RETREG1: variants seen among roughly 807,000 people sequenced by gnomAD.
RETREG1 encodes reticulophagy regulator 1.
A neutral mutation model predicts 54.8 loss-of-function variants in RETREG1; 44 were observed. That is an observed-to-expected ratio of 0.80 (90% CI 0.63 to 1.03). The LOEUF (loss-of-function observed/expected upper bound fraction) is 1.03. RETREG1 is among the 50% of genes least tolerant of loss of function. RETREG1 has a pLI of 0.00. For synonymous variants in RETREG1, 217 were observed against 238.5 expected, an observed-to-expected ratio of 0.91 and a Z score of 0.83; for missense variants, 554 against 605.1, an observed-to-expected ratio of 0.92 and a Z score of 0.89.
At chr5:16,536,496 G>A (rs1034806101) in intron 3 of RETREG1, among the ~76,000 whole-genome samples, 1 of 151,934 alleles carries the variant, frequency 6.6e-6, no homozygotes, top group Non-Finnish European at 1.5e-5. Context: ...CGCCAGCCTG[G>A]TTCACCCCTG....
intron 1 of RETREG1, among the ~76,000 whole-genome samples, chr5:16,590,335 G>A (rs1005131290): frequency 4.6e-5 from 7 of 152,182 alleles, no homozygotes; most frequent in African/African-American, 9.7e-5. Flanking sequence ...CAGAGGCTAC[G>A]CACCTGTACG....
intron 1 of RETREG1, among the ~76,000 whole-genome samples, chr5:16,612,565 G>A (rs539123408): frequency 9.9e-5 from 15 of 152,126 alleles, no homozygotes; most frequent in Non-Finnish European, 1.8e-4. Flanking sequence ...CTAAAAACAT[G>A]TTCTTCATTG....
intron 1 of RETREG1, among the ~76,000 whole-genome samples, chr5:16,590,430 T>C (rs1477109405): frequency 6.6e-6 from 1 of 152,250 alleles, no homozygotes; most frequent in Non-Finnish European, 1.5e-5. Context: ...TTATGTGAAG[T>C]AATATTTTAA....
intron 3 of RETREG1, among the ~76,000 whole-genome samples, chr5:16,533,334 C>T (rs779388807): frequency 2.6e-5 from 4 of 152,186 alleles, no homozygotes; most frequent in South Asian, 2.1e-4. Context: ...TGAGCCACCA[C>T]GCCCGGCTGA....
chr5:16,555,396 C>T (rs114598147), intron 3 of RETREG1, among the ~76,000 whole-genome samples: 1,573 of 152,334 alleles, frequency 0.01, 31 homozygotes, highest in African/African-American at 0.035. Context: ...AGGCAATCTG[C>T]TTGTCTCAGC....
At chr5:16,572,231 G>A in intron 1 of RETREG1, 129 bp from the exon 2 acceptor site, 1 of 546,090 alleles carries the variant, frequency 1.8e-6, no homozygotes, top group Non-Finnish European at 3.2e-6. Context: ...TTTTTTTTTT[G>A]AGACAGAGTC....
intron 2 of RETREG1, among the ~76,000 whole-genome samples, chr5:16,568,321 G>A (rs374116245): frequency 3.3e-4 from 50 of 151,440 alleles, no homozygotes; most frequent in African/African-American, 1.1e-3. Context: ...ACCGAGGCTG[G>A]AGTGCAATGA....
chr5:16,554,799 C>T (rs1018920602), intron 3 of RETREG1, among the ~76,000 whole-genome samples: 3 of 152,222 alleles, frequency 2.0e-5, no homozygotes, highest in African/African-American at 7.2e-5. Flanking sequence ...ACTATGGCTA[C>T]ATACCATGAA....
rs752591398 is a variant in RETREG1, at chr5:16,572,008, A to T, written c.415T>A (p.Ser139Thr). 1.2e-6 allele frequency: 2 copies of T among 1,611,568 alleles called. No homozygotes were observed. The highest frequency in any genetic ancestry group is 1.7e-5 in the Admixed American group (1 of 60,018). ...IMQIIKDMVL[S>T]RTRGAQLWRS... is the part of the protein sequence containing the mutation. The stretch of plus-strand genomic sequence containing the variant: ...TGAGTATTCTTACCTCTTGTTCTAG[A>T]CAAAACCATATCCTTTATTATTTGC... Residue 139 changes from serine to threonine, a missense_variant, in exon 2 of 9, where the codon TCT becomes ACT. Transcript: ENST00000306320.
At chr5:16,528,369 A>ATTCCTGT (rs1740789502) in intron 3 of RETREG1, among the ~76,000 whole-genome samples, 1 of 152,204 alleles carries the variant, frequency 6.6e-6, no homozygotes, top group Non-Finnish European at 1.5e-5. Context: ...TTAAATTTAT[A>ATTCCTGT]TTCCTGGAAG....
chr5:16,604,221 AT>A (rs1743124878), intron 1 of RETREG1, among the ~76,000 whole-genome samples: 1 of 152,138 alleles, frequency 6.6e-6, no homozygotes, highest in Admixed American at 6.5e-5. Context: ...AGTCCAGCTT[AT>A]TGGGGCGGGG....
chr5:16,524,318 A>G (rs1389877540), intron 3 of RETREG1, among the ~76,000 whole-genome samples: 1 of 152,192 alleles, frequency 6.6e-6, no homozygotes, highest in Non-Finnish European at 1.5e-5. Context: ...GCCATGAACA[A>G]CAGCCTACCA....
intron 1 of RETREG1, among the ~76,000 whole-genome samples, chr5:16,604,455 G>A (rs1181644781): frequency 6.6e-6 from 1 of 152,206 alleles, no homozygotes; most frequent in Non-Finnish European, 1.5e-5. Context: ...CAGGAATTCC[G>A]TTAATTATGC....
At chr5:16,503,964 G>A (rs1739837259) in intron 3 of RETREG1, among the ~76,000 whole-genome samples, 1 of 152,078 alleles carries the variant, frequency 6.6e-6, no homozygotes, top group Non-Finnish European at 1.5e-5. Context: ...ATAGGTAAAG[G>A]TGTGCCATGA....
intron 1 of RETREG1, chr5:16,615,924 C>T (rs1423708439): frequency 6.6e-6 from 1 of 152,264 alleles, no homozygotes; most frequent in African/African-American, 2.4e-5. Context: ...TGACAGGACA[C>T]CACTTTCAAC....
intron 3 of RETREG1, among the ~76,000 whole-genome samples, chr5:16,534,593 T>C (rs925872561): frequency 3.9e-5 from 6 of 152,228 alleles, no homozygotes; most frequent in Non-Finnish European, 7.3e-5. Context: ...TGTGAATGAA[T>C]CAGAAGGGGT....
chr5:16,585,573 G>A lies in RETREG1; in HGVS notation c.321-13471C>T, dbSNP rs1188078897. Among the ~76,000 whole-genome samples the A allele has an allele frequency of 6.6e-6, 1 of 152,194 alleles. No homozygotes were observed. Among genetic ancestry groups the A allele is most frequent in the Non-Finnish European group, 1.5e-5 (1 of 68,032 alleles). ...GCAGGGAAGGGGACTTCGAGGCAGGGCGGGTGAGTCAAGTTCTGCAGCCCA... is the reference window on the plus strand; with the variant it reads ...GCAGGGAAGGGGACTTCGAGGCAGGACGGGTGAGTCAAGTTCTGCAGCCCA... On this transcript the variant is annotated intron_variant, in intron 1 of 8. Transcript: ENST00000306320. The surrounding 1 kb of genome is among the most constrained non-coding windows in gnomAD (Gnocchi z 4.5).
intron 3 of RETREG1, among the ~76,000 whole-genome samples, chr5:16,488,011 C>T (rs1172476084): frequency 6.6e-6 from 1 of 152,196 alleles, no homozygotes; most frequent in African/African-American, 2.4e-5. Context: ...GCTGTGTGGG[C>T]CTTACTGAAG....
chr5:16,504,369 GA>G (rs1739857015), intron 3 of RETREG1, among the ~76,000 whole-genome samples: 1 of 152,146 alleles, frequency 6.6e-6, no homozygotes, highest in Non-Finnish European at 1.5e-5. Flanking sequence ...CACTTTTAGT[GA>G]CCTCAAGTGG....
Sources: gnomAD v4.1 joint callset for allele counts (sites outside exome capture counted in the v4.1 genomes callset) on GRCh38, gnomAD v4.1.1 for gene constraint, Gnocchi (gnomAD v3.1) non-coding constraint, MANE v1.5 for transcripts, NCBI Gene and HGNC (gene_info 2026-07-23, HGNC 2026-07-21) for gene names.